GABRG3: variants seen among roughly 807,000 people sequenced by gnomAD.
The protein encoded by GABRG3 is gamma-aminobutyric acid type A receptor subunit gamma3.
In GABRG3, 25 loss-of-function variants were observed where a neutral mutation model predicts 48.8. The observed-to-expected ratio is 0.51, with a 90% CI of 0.37 to 0.72. The LOEUF is 0.72. Ranked by LOEUF, GABRG3 falls within the 30% of genes least tolerant of loss-of-function variation. The pLI, the probability that GABRG3 is intolerant of heterozygous loss-of-function variation, is 0.00. For missense variants in GABRG3, 394 were observed against 577.9 expected, an observed-to-expected ratio of 0.68 and a Z score of 3.26; for synonymous variants, 227 against 217.6, an observed-to-expected ratio of 1.04 and a Z score of -0.38.
intron 2 of GABRG3, among the ~76,000 whole-genome samples, chr15:26,978,995 T>C (rs1244900373): frequency 2.6e-5 from 4 of 152,206 alleles, no homozygotes; most frequent in African/African-American, 9.6e-5. Flanking sequence ...TAGATCTTCT[T>C]TATGTTCTTG....
chr15:27,096,035 C>T (rs1215047169), intron 3 of GABRG3, among the ~76,000 whole-genome samples: 1 of 152,200 alleles, frequency 6.6e-6, no homozygotes, highest in East Asian at 1.9e-4. Context: ...GGCTGCAGAT[C>T]CTTGCATTTG....
chr15:27,264,062 G>A (rs373128342), intron 3 of GABRG3, among the ~76,000 whole-genome samples: 1 of 152,124 alleles, frequency 6.6e-6, no homozygotes, highest in African/African-American at 2.4e-5. Flanking sequence ...CTGAGAGACT[G>A]TTGGGCAAGG....
At chr15:27,501,738 C>T (rs1004889164) in intron 6 of GABRG3, among the ~76,000 whole-genome samples, 2 of 152,154 alleles carry the variant, frequency 1.3e-5, no homozygotes, top group Admixed American at 6.5e-5. Context: ...GTATTTATAG[C>T]TGAGTCCAAG....
chr15:27,516,139 C>T (rs963255653), intron 6 of GABRG3, among the ~76,000 whole-genome samples: 1 of 150,006 alleles, frequency 6.7e-6, no homozygotes, highest in Non-Finnish European at 1.5e-5. Flanking sequence ...CTACCAACTT[C>T]CTTTTTCAAT....
intron 3 of GABRG3, among the ~76,000 whole-genome samples, chr15:27,043,361 A>G (rs1896309930): frequency 6.6e-6 from 1 of 152,204 alleles, no homozygotes; most frequent in South Asian, 2.1e-4. Context: ...TGCACTAGGC[A>G]TTGGCAGACC....
chr15:27,129,239 A>C (rs902594581), intron 3 of GABRG3, among the ~76,000 whole-genome samples: 1 of 152,180 alleles, frequency 6.6e-6, no homozygotes, highest in African/African-American at 2.4e-5. Flanking sequence ...GGTCCCTGGC[A>C]ACCACATTCT....
chr15:27,285,155 A>C (rs201258362), intron 3 of GABRG3, among the ~76,000 whole-genome samples: 14 of 152,144 alleles, frequency 9.2e-5, no homozygotes, highest in Middle Eastern at 3.4e-3. Context: ...CAGCTGGTGT[A>C]GTTTCCAGAA....
chr15:27,337,122 C>A (rs1442464242), intron 5 of GABRG3, among the ~76,000 whole-genome samples: 1 of 152,170 alleles, frequency 6.6e-6, no homozygotes, highest in Non-Finnish European at 1.5e-5. Flanking sequence ...TTCCTCTGTT[C>A]TGCTTCTCTT....
chr15:27,084,654 C>G (rs1897046238), intron 3 of GABRG3, among the ~76,000 whole-genome samples: 1 of 152,252 alleles, frequency 6.6e-6, no homozygotes, highest in African/African-American at 2.4e-5. Context: ...CTAAGTATGT[C>G]TGTTTTCGTC....
chr15:27,213,148 G>A (rs1221061335), intron 3 of GABRG3, among the ~76,000 whole-genome samples: 2 of 152,266 alleles, frequency 1.3e-5, no homozygotes, highest in African/African-American at 2.4e-5. Flanking sequence ...GGACCACCAG[G>A]GGAGGAGGCA....
chr15:27,062,731 G>A (rs1896672810), intron 3 of GABRG3, among the ~76,000 whole-genome samples: 1 of 152,174 alleles, frequency 6.6e-6, no homozygotes, highest in Non-Finnish European at 1.5e-5. Context: ...TTAACCAGAT[G>A]TTTTATGTTC....
intron 5 of GABRG3, among the ~76,000 whole-genome samples, chr15:27,386,083 A>G (rs559743516): frequency 3.9e-5 from 6 of 152,186 alleles, no homozygotes; most frequent in Non-Finnish European, 8.8e-5. Context: ...TGGCATGTTT[A>G]CCTCCATAGG....
chr15:27,235,480 A>G (rs1037378935), intron 3 of GABRG3, among the ~76,000 whole-genome samples: 8 of 151,922 alleles, frequency 5.3e-5, no homozygotes, highest in African/African-American at 1.5e-4. Flanking sequence ...CCGTCGTTCA[A>G]TTTAGACTTA....
At chr15:27,493,449 G>C (rs1329910366) in intron 6 of GABRG3, among the ~76,000 whole-genome samples, 2 of 152,062 alleles carry the variant, frequency 1.3e-5, no homozygotes, top group Non-Finnish European at 2.9e-5. Context: ...ATGTAGCAAT[G>C]TTTGATAACA....
intron 3 of GABRG3, among the ~76,000 whole-genome samples, chr15:27,234,433 C>T (rs1293891241): frequency 6.6e-6 from 1 of 152,172 alleles, no homozygotes; most frequent in African/African-American, 2.4e-5. Context: ...ATGGAAATAA[C>T]AATAACACTT....
At chr15:27,268,285 G>A (rs1758727481) in intron 3 of GABRG3, among the ~76,000 whole-genome samples, 1 of 152,122 alleles carries the variant, frequency 6.6e-6, no homozygotes, top group South Asian at 2.1e-4. Flanking sequence ...TAAGGAATAT[G>A]TCCATGTCAC....
intron 7 of GABRG3, among the ~76,000 whole-genome samples, chr15:27,523,953 G>A (rs1255723211): frequency 1.3e-5 from 2 of 151,776 alleles, no homozygotes; most frequent in East Asian, 3.9e-4. Context: ...GAAATAGAAT[G>A]GGGCTAAAAA....
chr15:27,302,771 A>T (rs529315720), intron 3 of GABRG3, among the ~76,000 whole-genome samples: 1 of 152,120 alleles, frequency 6.6e-6, no homozygotes, highest in South Asian at 2.1e-4. Flanking sequence ...AATTATTCAG[A>T]GTATCATCTC....
intron 3 of GABRG3, among the ~76,000 whole-genome samples, chr15:27,284,868 T>C (rs956894700): frequency 1.3e-5 from 2 of 152,210 alleles, no homozygotes; most frequent in African/African-American, 4.8e-5. Flanking sequence ...GAAATCAACC[T>C]ATGGAAATTA....
Sources: allele counts gnomAD v4.1 joint callset (sites outside exome capture counted in the v4.1 genomes callset), GRCh38; gene constraint gnomAD v4.1.1; transcripts MANE v1.5; gene names NCBI Gene and HGNC (gene_info 2026-07-23, HGNC 2026-07-21).